PM20D2: variants seen among roughly 807,000 people sequenced by gnomAD.
PM20D2 encodes the protein peptidase M20 domain containing 2.
A neutral mutation model predicts 42.9 loss-of-function variants in PM20D2; 33 were observed. That is an observed-to-expected ratio of 0.77 (90% CI 0.58 to 1.03). The LOEUF is 1.03. Ranked by LOEUF, PM20D2 falls within the 50% of genes least tolerant of loss-of-function variation. PM20D2 has a pLI of 0.00. For synonymous variants in PM20D2, 250 were observed against 228.2 expected (o/e 1.10, Z -0.86); for missense variants, 548 against 557.0 (o/e 0.98, Z 0.16).
the PM20D2 span, among the ~76,000 whole-genome samples, chr6:89,125,985 C>G: frequency 1.3e-5 from 2 of 151,912 alleles, no homozygotes; most frequent in African/African-American, 4.8e-5. Context: ...ACTTGAGAGG[C>G]TGAGACAGGA....
At chr6:89,153,350 G>A (rs1457863016) in intron 3 of PM20D2, among the ~76,000 whole-genome samples, 165 bp downstream of exon 3, 1 of 152,094 alleles carries the variant, frequency 6.6e-6, no homozygotes, top group Non-Finnish European at 1.5e-5. Context: ...AGGATACTAA[G>A]ATGTTTGTCT....
At chr6:89,119,821 C>G in the PM20D2 span, among the ~76,000 whole-genome samples, 1 of 152,200 alleles carries the variant, frequency 6.6e-6, no homozygotes, top group African/African-American at 2.4e-5. Flanking sequence ...CTCTGTCTCT[C>G]TCTCTTTTTA....
the PM20D2 span, among the ~76,000 whole-genome samples, chr6:89,134,556 A>T: frequency 6.6e-6 from 1 of 151,174 alleles, no homozygotes; most frequent in African/African-American, 2.5e-5. Flanking sequence ...CCTATTCCTC[A>T]AACCACTTGA....
the PM20D2 span, among the ~76,000 whole-genome samples, chr6:89,124,141 CAATATA>C: frequency 1.6e-4 from 24 of 152,330 alleles, 1 homozygote; most frequent in South Asian, 5.0e-3. Context: ...ATTAATCACT[CAATATA>C]GAGATGTTGA....
rs999820397 is a variant in PM20D2 at position 89,158,874 on chromosome 6, T to C, written c.1048+414T>C. On this transcript the variant is annotated intron_variant, in intron 5 of 6. Transcript: ENST00000275072. ...ACAGCTAGAATTGAAATAAGCATAT[T>C]TGGGGTTATGTTAGTTTTTTTTTCC... 2.6e-5 allele frequency among the ~76,000 whole-genome samples: 4 copies of C among 152,120 alleles called. No individual in the cohort carries two copies. In the South Asian group the frequency reaches 8.3e-4, roughly 32 times the overall value.
the PM20D2 span, among the ~76,000 whole-genome samples, chr6:89,115,631 CTTTTT>C: frequency 4.7e-5 from 6 of 129,002 alleles, no homozygotes; most frequent in African/African-American, 1.8e-4. Flanking sequence ...TTTTTTCTTT[CTTTTT>C]TTTTTTTTTT....
At chr6:89,117,568 GA>G in the PM20D2 span, among the ~76,000 whole-genome samples, 3 of 152,212 alleles carry the variant, frequency 2.0e-5, no homozygotes, top group Non-Finnish European at 4.4e-5. Context: ...CTGAACCGCG[GA>G]AAGCGACGCG....
chr6:89,161,965 A>G (rs1002201004), intron 6 of PM20D2, 75 bp downstream of exon 6: 2 of 1,487,348 alleles, frequency 1.3e-6, no homozygotes, highest in Non-Finnish European at 1.9e-6. Flanking sequence ...TGTTTAACCT[A>G]CTATTTCACT....
the PM20D2 span, among the ~76,000 whole-genome samples, chr6:89,102,600 AG>A: frequency 6.6e-6 from 1 of 152,222 alleles, no homozygotes; most frequent in African/African-American, 2.4e-5. Flanking sequence ...ACATAGTAAA[AG>A]AAGGACGCTA....
chr6:89,117,831 G>A, the PM20D2 span: 5 of 1,557,384 alleles, frequency 3.2e-6, no homozygotes, highest in African/African-American at 4.3e-5. Flanking sequence ...ACCTGGTGGC[G>A]TCCGCGACGT....
chr6:89,095,840 TTC>T, the PM20D2 span: 1 of 152,226 alleles, frequency 6.6e-6, no homozygotes, highest in Admixed American at 6.5e-5. Flanking sequence ...AGTCTCTATT[TTC>T]TTTGACCCTA....
the PM20D2 span, among the ~76,000 whole-genome samples, chr6:89,138,581 A>G: frequency 2.0e-5 from 3 of 152,246 alleles, no homozygotes; most frequent in African/African-American, 7.2e-5. Context: ...AAATATCTCT[A>G]TCAGTCCTGG....
rs1214111229 is a variant in PM20D2 at position 89,146,516 on chromosome 6, C to T, written c.372C>T (p.Cys124=). The change falls in exon 1 of 7, where the codon TGC becomes TGT. Residue 124 remains cysteine, a synonymous_variant. Coordinates refer to ENST00000275072, the MANE Select transcript of PM20D2 (RefSeq NM_001010853.3). The part of the protein sequence containing the change: ...YDALPGIGHA[C]GHNLIAEVGA... The stretch of plus-strand genomic sequence containing the variant: ...CGCTGCCCGGCATCGGCCACGCCTG[C>T]GGCCACAACCTCATCGCTGAGGTCG... 33 of 1,515,610 alleles carry T rather than the reference C, an allele frequency of 2.2e-5. No homozygotes were observed. Among genetic ancestry groups the T allele is most frequent in the Non-Finnish European group, 2.9e-5 (33 of 1,139,384 alleles). The allele number at this position is 1,515,610 out of a possible 1,614,324, so 93.9% of individuals were successfully genotyped here.
the PM20D2 span, among the ~76,000 whole-genome samples, chr6:89,131,264 C>G: frequency 1.3e-5 from 2 of 152,138 alleles, no homozygotes; most frequent in Non-Finnish European, 2.9e-5. Context: ...ATGACCTAAT[C>G]ACATCTTAAA....
At chr6:89,104,955 C>T in the PM20D2 span, among the ~76,000 whole-genome samples, 1 of 151,990 alleles carries the variant, frequency 6.6e-6, no homozygotes, top group Non-Finnish European at 1.5e-5. Flanking sequence ...ACTTGGGAGG[C>T]TGAGGTGAGA....
Position 89,162,122 on chromosome 6 carries a change from T to G in PM20D2, c.1170T>G (p.Ala390=). 3.7e-6 allele frequency: 6 copies of G among 1,606,146 alleles called. No individual in the cohort carries two copies. Among genetic ancestry groups the G allele is most frequent in the Non-Finnish European group, 5.1e-6 (6 of 1,177,864 alleles). ...TCTACCTTTTAGGGTCACAGGAAGCTCAGTTCTACACTCTGCGGACGGCCA... is the reference window on the plus strand; with the variant it reads ...TCTACCTTTTAGGGTCACAGGAAGCGCAGTTCTACACTCTGCGGACGGCCA... ...QYTEAAGSQE[A]QFYTLRTAKA... Residue 390 remains alanine, a synonymous_variant, in exon 7 of 7, where the codon GCT becomes GCG. Transcript: ENST00000275072.
At chr6:89,102,025 T>G in the PM20D2 span, among the ~76,000 whole-genome samples, 1 of 151,706 alleles carries the variant, frequency 6.6e-6, no homozygotes, top group Non-Finnish European at 1.5e-5. Flanking sequence ...AAAGAAATAC[T>G]AAATATTCTT....
At chr6:89,139,598 A>T in the PM20D2 span, among the ~76,000 whole-genome samples, 7 of 152,034 alleles carry the variant, frequency 4.6e-5, no homozygotes, top group Non-Finnish European at 1.0e-4. Context: ...AGTTCCAGCT[A>T]CTCTGGATGC....
the PM20D2 span, chr6:89,105,618 G>C: frequency 1.1e-6 from 1 of 936,830 alleles, no homozygotes; most frequent in Non-Finnish European, 1.5e-6. Flanking sequence ...GAAATTAATA[G>C]GAAAATCAAG....
Sources: gnomAD v4.1 joint callset for allele counts (sites outside exome capture counted in the v4.1 genomes callset) on GRCh38, gnomAD v4.1.1 for gene constraint, MANE v1.5 for transcripts, NCBI Gene and HGNC (gene_info 2026-07-23, HGNC 2026-07-21) for gene names.